BRINP2: variants seen among roughly 807,000 people sequenced by gnomAD.
BRINP2 encodes the protein BMP/retinoic acid inducible neural specific 2, also known as BMP/retinoic acid-inducible neural-specific protein 2.
BRINP2 carries 21 observed loss-of-function variants against 69.2 expected under a neutral mutation model. The ratio of observed to expected loss-of-function variants is 0.30; its 90% confidence interval spans 0.22 to 0.44. The LOEUF is 0.44. Ranked by LOEUF, BRINP2 falls within the 20% of genes least tolerant of loss-of-function variation. The probability of loss-of-function intolerance (pLI) is 1.00; values close to 1 mark genes in which losing one functional copy is unlikely to be tolerated. For synonymous variants in BRINP2, 380 were observed against 394.1 expected (o/e 0.96, Z 0.42); for missense variants, 877 against 986.0 (o/e 0.89, Z 1.48).
Position 177,273,518 on chromosome 1 carries a change from T to A in BRINP2, c.700T>A (p.Cys234Ser), listed in dbSNP as rs1651400574. ...CGAGACCAGGACCGGTCCTCTGGGC[T>A]GCAGCAACTATGACAATCTGGACTC... ...VTETRTGPLG[C>S]SNYDNLDSVS... Residue 234 changes from cysteine (C) to serine (S), a missense_variant, in exon 5 of 8, where the codon TGC (cysteine) becomes AGC (serine). Transcript: ENST00000361539. The A allele has an allele frequency of 6.2e-7, 1 of 1,611,306 alleles. No individual in the cohort carries two copies. The highest frequency in any genetic ancestry group is 8.5e-7 in the Non-Finnish European group (1 of 1,178,668).
intron 6 of BRINP2, among the ~76,000 whole-genome samples, chr1:177,276,765 G>T (rs530963779): frequency 6.6e-6 from 1 of 152,182 alleles, no homozygotes; most frequent in Non-Finnish European, 1.5e-5. Context: ...CATAAGGTTC[G>T]CTATAAATAT....
intron 2 of BRINP2, among the ~76,000 whole-genome samples, chr1:177,252,440 A>C (rs1435090062): frequency 6.6e-6 from 1 of 152,092 alleles, no homozygotes; most frequent in Non-Finnish European, 1.5e-5. Flanking sequence ...TAATTTTAAA[A>C]ATTTTGTTTA....
intron 4 of BRINP2, among the ~76,000 whole-genome samples, chr1:177,272,278 A>G (rs553948128): frequency 9.8e-5 from 15 of 152,312 alleles, no homozygotes; most frequent in African/African-American, 3.6e-4. Flanking sequence ...TTGGATGTCT[A>G]TCAGTCAGCT....
chr1:177,238,732 A>C (rs1259228528), intron 2 of BRINP2, among the ~76,000 whole-genome samples: 1 of 152,256 alleles, frequency 6.6e-6, no homozygotes, highest in Non-Finnish European at 1.5e-5. Context: ...GGTCTGAAAA[A>C]ATAAAAAATA....
chr1:177,182,735 G>C (rs1194340183), intron 1 of BRINP2, among the ~76,000 whole-genome samples: 2 of 152,122 alleles, frequency 1.3e-5, no homozygotes, highest in Non-Finnish European at 2.9e-5. Context: ...TCAAGTCTTT[G>C]GCAGGCTCTG....
intron 1 of BRINP2, among the ~76,000 whole-genome samples, chr1:177,213,256 G>T (rs1431930269): frequency 6.6e-6 from 1 of 152,086 alleles, no homozygotes; most frequent in Non-Finnish European, 1.5e-5. Flanking sequence ...TGACATTTGG[G>T]GTCACGGAAT....
At chr1:177,278,458 C>A in intron 6 of BRINP2, 105 bp from the exon 7 acceptor site, 1 of 1,030,480 alleles carries the variant, frequency 9.7e-7, no homozygotes, top group Non-Finnish European at 1.5e-6. Flanking sequence ...CCTCCTTTCT[C>A]ATGCAGTAAC....
In BRINP2 at chr1:177,193,927, A is replaced by G. The variant is rs192953710; in HGVS notation, c.-77+22195A>G. Among the ~76,000 whole-genome samples the G allele has an allele frequency of 8.5e-5, 13 of 152,310 alleles. No individual in the cohort carries two copies. In the East Asian group the frequency reaches 2.1e-3, roughly 25 times the overall value. ...TTCAGGGGAATAACTCATTTAGGAGACGGACTTGCTCAAGGTCACTGAAAT... is the reference window on the plus strand; with the variant it reads ...TTCAGGGGAATAACTCATTTAGGAGGCGGACTTGCTCAAGGTCACTGAAAT... On this transcript the variant is annotated intron_variant, in intron 1 of 7. Transcript: ENST00000361539.
At chr1:177,198,816 TA>T (rs928154061) in intron 1 of BRINP2, among the ~76,000 whole-genome samples, 2 of 152,176 alleles carry the variant, frequency 1.3e-5, no homozygotes, top group African/African-American at 4.8e-5. Context: ...AAAGTCAGGT[TA>T]GCTCTGCAAA....
At chr1:177,215,333 T>C (rs1649344747) in intron 1 of BRINP2, among the ~76,000 whole-genome samples, 1 of 152,234 alleles carries the variant, frequency 6.6e-6, no homozygotes, top group African/African-American at 2.4e-5. Context: ...ATTCATATGT[T>C]GCTTTGAGTA....
chr1:177,211,361 A>G (rs1649217452), intron 1 of BRINP2, among the ~76,000 whole-genome samples: 1 of 152,170 alleles, frequency 6.6e-6, no homozygotes, highest in Admixed American at 6.5e-5. Flanking sequence ...CCCTTCACCC[A>G]GTGACCCTTT....
intron 1 of BRINP2, among the ~76,000 whole-genome samples, chr1:177,195,297 A>G (rs1648708023): frequency 6.6e-6 from 1 of 152,052 alleles, no homozygotes. Flanking sequence ...CCCTGTAATA[A>G]AACAGTGTAC....
At chr1:177,195,725 G>C (rs1233133381) in intron 1 of BRINP2, among the ~76,000 whole-genome samples, 1 of 151,858 alleles carries the variant, frequency 6.6e-6, no homozygotes, top group African/African-American at 2.4e-5. Flanking sequence ...ATGTCAAGGG[G>C]CAAAGCAGAC....
chr1:177,217,356 A>G (rs1356766960), intron 1 of BRINP2, among the ~76,000 whole-genome samples: 4 of 152,204 alleles, frequency 2.6e-5, no homozygotes, highest in African/African-American at 9.6e-5. Flanking sequence ...ATTTAAAAAA[A>G]AAGTTTCTAT....
At chr1:177,260,815 A>C (rs1166981706) in intron 4 of BRINP2, among the ~76,000 whole-genome samples, 1 of 152,228 alleles carries the variant, frequency 6.6e-6, no homozygotes, top group East Asian at 1.9e-4. Flanking sequence ...TAGTGTAAAC[A>C]TAACTTTCAT....
chr1:177,174,836 C>G (rs1648040277), intron 1 of BRINP2, among the ~76,000 whole-genome samples: 1 of 152,170 alleles, frequency 6.6e-6, no homozygotes, highest in African/African-American at 2.4e-5. Flanking sequence ...GCAGGGGGCT[C>G]TGTATTATGC....
At chr1:177,278,861 G>T in intron 7 of BRINP2, 76 bp downstream of exon 7, 3 of 1,427,072 alleles carry the variant, frequency 2.1e-6, no homozygotes, top group Non-Finnish European at 1.9e-6. Context: ...AGAACCCTCT[G>T]TCCAATGTAG....
intron 1 of BRINP2, among the ~76,000 whole-genome samples, chr1:177,214,690 A>G (rs1353536095): frequency 1.3e-5 from 2 of 152,240 alleles, no homozygotes; most frequent in Non-Finnish European, 2.9e-5. Flanking sequence ...TGAAGGCTAA[A>G]TGAGAATCAT....
intron 1 of BRINP2, among the ~76,000 whole-genome samples, chr1:177,180,384 A>C (rs1357805911): frequency 6.6e-6 from 1 of 152,164 alleles, no homozygotes; most frequent in Non-Finnish European, 1.5e-5. Context: ...GACCTCTGCT[A>C]TGTGTGGCTT....
Sources: gnomAD v4.1 joint callset for allele counts (sites outside exome capture counted in the v4.1 genomes callset) on GRCh38, gnomAD v4.1.1 for gene constraint, MANE v1.5 for transcripts, NCBI Gene and HGNC (gene_info 2026-07-23, HGNC 2026-07-21) for gene names.